The following SS18L1 variants were observed in gnomAD, a reference collection of about 807,000 sequenced individuals.
SS18L1 encodes the protein calcium-responsive transactivator.
A neutral mutation model predicts 70.3 loss-of-function variants in SS18L1; 32 were observed. The observed-to-expected ratio is 0.46, with a 90% CI of 0.34 to 0.61. SS18L1 has a LOEUF of 0.61. Among genes scored for constraint, SS18L1 ranks in the 20% least tolerant of loss-of-function variants. The pLI, the probability that SS18L1 is intolerant of heterozygous loss-of-function variation, is 0.01. For synonymous variants in SS18L1, 237 were observed against 229.7 expected (o/e 1.03, Z -0.29); for missense variants, 430 against 542.1 (o/e 0.79, Z 2.05).
chr20:62,175,458 C>T (rs144617994), intron 10 of SS18L1: 25 of 984,900 alleles, frequency 2.5e-5, no homozygotes, highest in African/African-American at 7.0e-5. Flanking sequence ...GGGAAGAGGG[C>T]GTGCCAAGGT....
At chr20:62,149,448 G>A (rs1159728226) in intron 1 of SS18L1, among the ~76,000 whole-genome samples, 1 of 152,240 alleles carries the variant, frequency 6.6e-6, no homozygotes, top group African/African-American at 2.4e-5. Context: ...ACGGAAATGG[G>A]CTGTTTATAT....
intron 1 of SS18L1, among the ~76,000 whole-genome samples, chr20:62,148,678 G>T (rs950734523): frequency 2.0e-5 from 3 of 152,260 alleles, no homozygotes; most frequent in Non-Finnish European, 2.9e-5. Flanking sequence ...GAACCCAAGC[G>T]CCACGGGGGA....
chr20:62,179,964 A>G lies in SS18L1; in HGVS notation c.*756A>G, dbSNP rs2057683759. 4.5e-6 allele frequency: 1 copy of G among 222,740 alleles called. No individual in the cohort carries two copies. Among genetic ancestry groups the G allele is most frequent in the South Asian group, 1.8e-4 (1 of 5,454 alleles). The allele number at this position is 222,740 out of a possible 1,614,324, so 13.8% of individuals were successfully genotyped here. Reference sequence around the variant, plus strand: ...TGGACAAATTGCCTAACCCAGGGCCAGCGGTATTGCTGAAGGAAAGGGGCA... The same window carrying G: ...TGGACAAATTGCCTAACCCAGGGCCGGCGGTATTGCTGAAGGAAAGGGGCA... On this transcript the variant is annotated 3_prime_UTR_variant, in exon 11 of 11. Transcript: ENST00000331758.
At chr20:62,178,798 C>T (rs1464740926) in intron 10 of SS18L1, among the ~76,000 whole-genome samples, 1 of 152,202 alleles carries the variant, frequency 6.6e-6, no homozygotes, top group African/African-American at 2.4e-5. Context: ...AAACCCATCA[C>T]CCTGGTCGTC....
intron 8 of SS18L1, among the ~76,000 whole-genome samples, chr20:62,169,698 G>T (rs2057495647): frequency 2.0e-5 from 3 of 151,960 alleles, no homozygotes; most frequent in African/African-American, 7.3e-5. Context: ...AGAATCACTT[G>T]AACCCAGGAG....
chr20:62,146,877 T>C (rs898573940), intron 1 of SS18L1, among the ~76,000 whole-genome samples: 2 of 151,888 alleles, frequency 1.3e-5, no homozygotes, highest in Non-Finnish European at 2.9e-5. Flanking sequence ...CTCCCCCCCT[T>C]AGCCTCCCAA....
intron 8 of SS18L1, among the ~76,000 whole-genome samples, chr20:62,166,557 A>G (rs1411160938): frequency 2.6e-5 from 4 of 152,174 alleles, no homozygotes; most frequent in Non-Finnish European, 4.4e-5. Flanking sequence ...GAATGCCTGC[A>G]ACGTTGAAAT....
In SS18L1 at chr20:62,158,105, C is replaced by T. The variant is rs927172263; in HGVS notation, c.70-567C>T. Among the ~76,000 whole-genome samples, 4 of 152,166 alleles carry T rather than the reference C, an allele frequency of 2.6e-5. No individual in the cohort carries two copies. The highest frequency in any genetic ancestry group is 1.3e-4 in the Admixed American group (2 of 15,278). The stretch of plus-strand genomic sequence containing the variant: ...CCCCTCCAGCTAGGGGCACCAGGGC[C>T]TCTTGTGGGGTGCCCACAGGGTCCT... On this transcript the variant is annotated intron_variant, in intron 1 of 10. Transcript: ENST00000331758. This position sits in a 1 kb window ranked among gnomAD's most constrained non-coding sequence, Gnocchi z 4.5.
intron 8 of SS18L1, among the ~76,000 whole-genome samples, chr20:62,170,210 TAGAG>T (rs576822900): frequency 1.1e-3 from 161 of 152,226 alleles, no homozygotes; most frequent in South Asian, 2.7e-3. Context: ...AGAGGATTCT[TAGAG>T]AAAGAAAAGA....
intron 1 of SS18L1, among the ~76,000 whole-genome samples, chr20:62,157,872 C>T (rs1021283540): frequency 6.9e-6 from 1 of 144,532 alleles, no homozygotes; most frequent in Admixed American, 6.8e-5. Flanking sequence ...GCCCCCACGC[C>T]GGCCTGTGTG....
At chr20:62,178,453 G>A (rs2057659076) in intron 10 of SS18L1, among the ~76,000 whole-genome samples, 1 of 151,872 alleles carries the variant, frequency 6.6e-6, no homozygotes, top group Admixed American at 6.6e-5. Flanking sequence ...GTGCCTGGCC[G>A]AGGCTAATTT....
intron 5 of SS18L1, 63 bp from the exon 6 acceptor site, chr20:62,163,395 G>T: frequency 6.2e-7 from 1 of 1,604,400 alleles, no homozygotes; most frequent in South Asian, 1.1e-5. Flanking sequence ...GGAGGTAGTT[G>T]GGTGTGGGAG....
chr20:62,149,562 G>A (rs923552656), intron 1 of SS18L1, among the ~76,000 whole-genome samples: 1 of 152,234 alleles, frequency 6.6e-6, no homozygotes, highest in Non-Finnish European at 1.5e-5. Context: ...GGGGCAGGCC[G>A]GGCCTCCTGG....
intron 1 of SS18L1, among the ~76,000 whole-genome samples, chr20:62,153,727 C>T (rs562688519): frequency 1.1e-4 from 16 of 152,290 alleles, no homozygotes; most frequent in Middle Eastern, 3.4e-3. Flanking sequence ...GGTATTCTTC[C>T]GGGTTTCAGT....
intron 10 of SS18L1, among the ~76,000 whole-genome samples, chr20:62,177,648 C>T (rs1355262096): frequency 6.6e-6 from 1 of 152,216 alleles, no homozygotes; most frequent in African/African-American, 2.4e-5. Flanking sequence ...GTCCGATGCT[C>T]CGTTTTGCTG....
intron 8 of SS18L1, 131 bp from the exon 9 acceptor site, chr20:62,172,551 A>G (rs2057550375): frequency 6.5e-6 from 9 of 1,385,664 alleles, no homozygotes; most frequent in African/African-American, 1.4e-5. Context: ...AATGGTTGTG[A>G]AAAAATAAAC....
intron 8 of SS18L1, 44 bp downstream of exon 8, chr20:62,165,558 A>G (rs1230880353): frequency 3.8e-6 from 6 of 1,566,514 alleles, no homozygotes; most frequent in Non-Finnish European, 4.3e-6. Flanking sequence ...TAAGCGCCAC[A>G]CGCAGCAGAG....
In SS18L1 at chr20:62,181,823, T is replaced by C; in HGVS notation, c.*2615T>C. On this transcript the variant is annotated 3_prime_UTR_variant, in exon 11 of 11. Transcript: ENST00000331758. ...GCCAACATGAATTGTTTGTGAAGTG[T>C]GGTTGATGGTGCTTTGTTTTTTTCT... 1 of 227,630 alleles carries C rather than the reference T, an allele frequency of 4.4e-6. No individual in the cohort carries two copies. Among genetic ancestry groups the C allele is most frequent in the East Asian group, 6.4e-5 (1 of 15,728 alleles). 14.1% of individuals were successfully genotyped at this position (227,630 alleles called of 1,614,324 possible). A position where few individuals can be genotyped will look rare whatever the true frequency, so the allele number is the denominator to read the frequency against.
chr20:62,157,705 G>A (rs11907422), intron 1 of SS18L1, among the ~76,000 whole-genome samples: 8,886 of 152,240 alleles, frequency 0.058, 867 homozygotes, highest in African/African-American at 0.2. Context: ...TGTAAGACAC[G>A]GAAGGTTCAA....
Sources: allele counts gnomAD v4.1 joint callset (sites outside exome capture counted in the v4.1 genomes callset), GRCh38; gene constraint gnomAD v4.1.1; non-coding constraint Gnocchi (gnomAD v3.1); transcripts MANE v1.5; gene names NCBI Gene and HGNC (gene_info 2026-07-23, HGNC 2026-07-21).